Variants in BST1 observed in about 807,000 individuals in gnomAD.
The protein encoded by BST1 is ADP-ribosyl cyclase/cyclic ADP-ribose hydrolase 2.
In BST1, 49 loss-of-function variants were observed where a neutral mutation model predicts 40.6. That is an observed-to-expected ratio of 1.21 (90% CI 0.96 to 1.53). The LOEUF is 1.53. Among genes scored for constraint, BST1 ranks in the 40% most tolerant of loss-of-function variants. The pLI, the probability that BST1 is intolerant of heterozygous loss-of-function variation, is 0.00. For missense variants in BST1, 423 were observed against 395.9 expected (o/e 1.07, Z -0.58); for synonymous variants, 157 against 159.3 (o/e 0.99, Z 0.11).
chr4:15,752,075 T>A, the BST1 span, among the ~76,000 whole-genome samples: 1 of 152,216 alleles, frequency 6.6e-6, no homozygotes, highest in Non-Finnish European at 1.5e-5. Context: ...TGATCAGATT[T>A]GTGCTTTGAT....
chr4:15,772,101 C>T, the BST1 span, among the ~76,000 whole-genome samples: 1 of 152,068 alleles, frequency 6.6e-6, no homozygotes, highest in Non-Finnish European at 1.5e-5. Context: ...TTTTCTGAAT[C>T]TAGCCCTTTG....
rs765430229 is a variant in BST1, at chr4:15,705,589, C to T, written c.263C>T (p.Ser88Leu). The change falls in exon 2 of 9, where the codon TCA becomes TTA. Residue 88 changes from serine to leucine, a missense_variant. Ser to Leu is a moderately radical substitution (Grantham distance 145). Coordinates refer to ENST00000265016, the MANE Select transcript of BST1 (RefSeq NM_004334.3). ...AAGGATCCCTGCTCCGTGCTGCCCT[C>T]AGACTATGACCTTTTTATTAACTTG... ...LDKDPCSVLP[S>L]DYDLFINLSR... 2.5e-6 allele frequency: 4 copies of T among 1,613,858 alleles called. No individual in the cohort carries two copies. The highest frequency in any genetic ancestry group is 3.4e-6 in the Non-Finnish European group (4 of 1,179,894).
chr4:15,733,175 C>T (rs1371836714), downstream of BST1, among the ~76,000 whole-genome samples: 1 of 152,204 alleles, frequency 6.6e-6, no homozygotes, highest in South Asian at 2.1e-4. Context: ...CCACATCCTG[C>T]TGATTGGTCC....
At chr4:15,735,370 A>G (rs919358365), downstream of BST1, among the ~76,000 whole-genome samples, 1 of 152,194 alleles carries the variant, frequency 6.6e-6, no homozygotes, top group South Asian at 2.1e-4. Context: ...GCTTGGATGA[A>G]GTAGACCTTC....
At chr4:15,706,186 A>C (rs1247592121) in intron 2 of BST1, among the ~76,000 whole-genome samples, 2 of 152,222 alleles carry the variant, frequency 1.3e-5, no homozygotes, top group Admixed American at 6.5e-5. Context: ...AAATCATATC[A>C]GTTTCCAATA....
At chr4:15,762,111 C>A in the BST1 span, among the ~76,000 whole-genome samples, 1 of 146,228 alleles carries the variant, frequency 6.8e-6, no homozygotes, top group Non-Finnish European at 1.5e-5. Flanking sequence ...ATCGCTTGAA[C>A]CTGGGAGGAA....
At chr4:15,706,560 A>ATGAGGACATCAGGACATGGCC (rs1719891224) in intron 2 of BST1, among the ~76,000 whole-genome samples, 1 of 152,254 alleles carries the variant, frequency 6.6e-6, no homozygotes, top group African/African-American at 2.4e-5. Context: ...TGCTTAAAAC[A>ATGAGGACATCAGGACATGGCC]ATACCTCAAG....
the BST1 span, among the ~76,000 whole-genome samples, chr4:15,768,343 G>A: frequency 2.0e-5 from 3 of 152,234 alleles, no homozygotes; most frequent in Non-Finnish European, 4.4e-5. Context: ...AGCATCAGTC[G>A]AAAGCTTCAT....
chr4:15,711,165 C>A (rs1335302135), intron 3 of BST1, among the ~76,000 whole-genome samples: 2 of 152,126 alleles, frequency 1.3e-5, no homozygotes, highest in Admixed American at 1.3e-4. Flanking sequence ...CCATTAATAT[C>A]AGTTTTTGCT....
chr4:15,703,230 G>C lies in BST1; in HGVS notation c.86G>C (p.Gly29Ala). The C allele has an allele frequency of 6.5e-7, 1 of 1,545,780 alleles. No individual in the cohort carries two copies. Among genetic ancestry groups the C allele is most frequent in the Non-Finnish European group, 8.7e-7 (1 of 1,147,316 alleles). Reference sequence around the variant, plus strand: ...CTACTGTTGCTGCTGGCGGCGGGCGGGGCGCGCGCGCGGTGGCGCGGGGAG... The same window carrying C: ...CTACTGTTGCTGCTGGCGGCGGGCGCGGCGCGCGCGCGGTGGCGCGGGGAG... ...LLLLLLLAAG[G>A]ARARWRGEGT... is the part of the protein sequence containing the mutation. Residue 29 changes from glycine (G) to alanine (A), a missense_variant, in exon 1 of 9, where the codon GGG (glycine) becomes GCG (alanine). Gly to Ala is a moderately conservative substitution (Grantham distance 60, BLOSUM62 0). Coordinates refer to ENST00000265016, the MANE Select transcript of BST1 (RefSeq NM_004334.3).
rs954668237 is a variant in BST1 at position 15,732,660 on chromosome 4, T to A, written c.*815T>A. ...TGAGGGAAAAACCCAAAATATCCAG[T>A]AATATTTACATATTTACTGAAACTG... is the stretch of plus-strand genomic sequence containing the variant. On this transcript the variant is annotated 3_prime_UTR_variant, in exon 9 of 9. Transcript: ENST00000265016. 6.6e-6 allele frequency: 1 copy of A among 152,252 alleles called. No homozygotes were observed. The highest frequency in any genetic ancestry group is 2.4e-5 in the African/African-American group (1 of 41,462). The allele number at this position is 152,252 out of a possible 1,614,324, so 9.4% of individuals were successfully genotyped here.
the BST1 span, among the ~76,000 whole-genome samples, chr4:15,757,336 A>G: frequency 6.6e-6 from 1 of 152,166 alleles, no homozygotes; most frequent in Non-Finnish European, 1.5e-5. Flanking sequence ...CAGCCATGCC[A>G]AAGAACCCAG....
At chr4:15,725,947 C>A (rs1267187633) in intron 8 of BST1, among the ~76,000 whole-genome samples, 26 of 60,146 alleles carry the variant, frequency 4.3e-4, no homozygotes, top group African/African-American at 1.7e-3. Flanking sequence ...GAAGTGCGGT[C>A]TTTTTTTTTT....
chr4:15,703,144 G>C lies in BST1; in HGVS notation c.-1G>C. 1 of 1,580,068 alleles carries C rather than the reference G, an allele frequency of 6.3e-7. No individual in the cohort carries two copies. Among genetic ancestry groups the C allele is most frequent in the South Asian group, 1.1e-5 (1 of 87,180 alleles). On this transcript the variant is annotated 5_prime_UTR_variant, in exon 1 of 9. Coordinates refer to ENST00000265016, the MANE Select transcript of BST1 (RefSeq NM_004334.3). The stretch of plus-strand genomic sequence containing the variant: ...GGGACTGGAGGGACCAAAGTTCCCC[G>C]ATGGCGGCCCAGGGGTGCGCGGCAT...
At chr4:15,751,942 T>TAA in the BST1 span, among the ~76,000 whole-genome samples, 1 of 152,198 alleles carries the variant, frequency 6.6e-6, no homozygotes, top group Non-Finnish European at 1.5e-5. Flanking sequence ...AGTGGGAACG[T>TAA]GGCTCGTATA....
chr4:15,771,208 C>CATT, the BST1 span, among the ~76,000 whole-genome samples: 17,387 of 152,228 alleles, frequency 0.11, 1,269 homozygotes, highest in Non-Finnish European at 0.16. Context: ...TAGGTGTGTA[C>CATT]ATTACCAATT....
the BST1 span, among the ~76,000 whole-genome samples, chr4:15,767,598 C>T: frequency 3.6e-5 from 5 of 139,006 alleles, no homozygotes; most frequent in Admixed American, 7.1e-5. Context: ...CCACCGTGCC[C>T]GGCCCTACTT....
At chr4:15,750,017 T>G in the BST1 span, among the ~76,000 whole-genome samples, 1 of 151,166 alleles carries the variant, frequency 6.6e-6, no homozygotes, top group South Asian at 2.1e-4. Flanking sequence ...CTGGTAACTA[T>G]CCTTCTACCT....
At chr4:15,755,746 CTGTGAGTG>C in the BST1 span, among the ~76,000 whole-genome samples, 1 of 152,174 alleles carries the variant, frequency 6.6e-6, no homozygotes, top group East Asian at 1.9e-4. Flanking sequence ...GTTTATGCAT[CTGTGAGTG>C]TGTGAGTGTG....
Sources: allele counts gnomAD v4.1 joint callset (sites outside exome capture counted in the v4.1 genomes callset), GRCh38; gene constraint gnomAD v4.1.1; transcripts MANE v1.5; gene names NCBI Gene and HGNC (gene_info 2026-07-23, HGNC 2026-07-21).